Variants in STAG1 observed in about 807,000 individuals in gnomAD.
STAG1 encodes the protein STAG1 cohesin complex component, also known as cohesin subunit SA-1.
In STAG1, 26 loss-of-function variants were observed where a neutral mutation model predicts 170.9. That is an observed-to-expected ratio of 0.15 (90% CI 0.11 to 0.21). The LOEUF (loss-of-function observed/expected upper bound fraction) is 0.21, where lower values mean the gene tolerates loss of function less well. STAG1 is among the 10% of genes least tolerant of loss of function. The pLI, the probability that STAG1 is intolerant of heterozygous loss-of-function variation, is 1.00. For missense variants in STAG1, 964 were observed against 1,509.5 expected, an observed-to-expected ratio of 0.64 and a Z score of 5.99; for synonymous variants, 514 against 497.7, an observed-to-expected ratio of 1.03 and a Z score of -0.44.
rs116102426 is a variant in STAG1 at position 136,477,179 on chromosome 3, T to G, written c.1026+110A>C. On this transcript the variant is annotated intron_variant, in intron 10 of 33. Coordinates refer to ENST00000383202, the MANE Select transcript of STAG1 (RefSeq NM_005862.3). ...TTATTCAGCTGCATCATCTTAAAATTTCCACATGATTACAACTCCTGAAAA... is the reference window on the plus strand; with the variant it reads ...TTATTCAGCTGCATCATCTTAAAATGTCCACATGATTACAACTCCTGAAAA... The G allele has an allele frequency of 1.8e-3, 2,180 of 1,227,876 alleles. 11 individuals are homozygous for G. The highest frequency in any genetic ancestry group is 0.012 in the Middle Eastern group (58 of 4,942). 76.1% of individuals were successfully genotyped at this position (1,227,876 alleles called of 1,614,324 possible). A position where few individuals can be genotyped will look rare whatever the true frequency, so the allele number is the denominator to read the frequency against.
chr3:136,616,482 GAC>G (rs1461225332), intron 3 of STAG1, among the ~76,000 whole-genome samples: 7 of 152,024 alleles, frequency 4.6e-5, no homozygotes, highest in African/African-American at 1.7e-4. Context: ...AAACAACAAA[GAC>G]AGCTTAAAAA....
In STAG1 at chr3:136,713,394, C is replaced by A. The variant is rs114054298; in HGVS notation, c.-84+38801G>T. On this transcript the variant is annotated intron_variant, in intron 1 of 33. Transcript: ENST00000383202. Reference sequence around the variant, plus strand: ...GGTCAGGAGTTCAAGACCAGTCTAACCAACGTGGTAAAATCCCGACTCTAC... The same window carrying A: ...GGTCAGGAGTTCAAGACCAGTCTAAACAACGTGGTAAAATCCCGACTCTAC... Among the ~76,000 whole-genome samples the A allele has an allele frequency of 2.0e-3, 311 of 151,798 alleles. 3 individuals carry two copies. The highest frequency in any genetic ancestry group is 7.4e-3 in the African/African-American group (305 of 41,404).
chr3:136,709,224 A>G (rs1473677814), intron 1 of STAG1, among the ~76,000 whole-genome samples: 1 of 151,844 alleles, frequency 6.6e-6, no homozygotes, highest in East Asian at 1.9e-4. Flanking sequence ...CGAGAGGTGG[A>G]GGCTGAAGTG....
intron 13 of STAG1, among the ~76,000 whole-genome samples, chr3:136,463,018 T>C (rs141543538): frequency 8.5e-5 from 13 of 152,244 alleles, no homozygotes; most frequent in South Asian, 2.1e-4. Context: ...AAGTAGAGAA[T>C]AGAGACTAAT....
At chr3:136,350,783 G>A (rs1351976649) in intron 28 of STAG1, among the ~76,000 whole-genome samples, 1 of 152,188 alleles carries the variant, frequency 6.6e-6, no homozygotes, top group Non-Finnish European at 1.5e-5. Context: ...TATTTGGAAT[G>A]AAATGTAGAA....
chr3:136,348,438 T>C (rs1172551910), intron 29 of STAG1, among the ~76,000 whole-genome samples: 3 of 152,168 alleles, frequency 2.0e-5, no homozygotes, highest in Non-Finnish European at 4.4e-5. Flanking sequence ...GATGGGAGTC[T>C]TCCTCTGTCG....
At chr3:136,555,541 G>A (rs1936578130) in intron 5 of STAG1, among the ~76,000 whole-genome samples, 1 of 151,928 alleles carries the variant, frequency 6.6e-6, no homozygotes, top group Non-Finnish European at 1.5e-5. Context: ...AAAACAGCTG[G>A]GCATGGTGGC....
At chr3:136,596,793 C>T (rs1021490905) in intron 4 of STAG1, among the ~76,000 whole-genome samples, 2 of 152,148 alleles carry the variant, frequency 1.3e-5, no homozygotes, top group Non-Finnish European at 2.9e-5. Context: ...TAATTTCAGG[C>T]CAGGCATGGG....
At chr3:136,549,461 C>T (rs1003586367) in intron 5 of STAG1, among the ~76,000 whole-genome samples, 12 of 152,086 alleles carry the variant, frequency 7.9e-5, no homozygotes, top group Non-Finnish European at 1.6e-4. Context: ...CAGGCACCTG[C>T]ACCATCCTGG....
At chr3:136,608,121 G>T (rs923185183) in intron 3 of STAG1, among the ~76,000 whole-genome samples, 1 of 152,046 alleles carries the variant, frequency 6.6e-6, no homozygotes, top group African/African-American at 2.4e-5. Flanking sequence ...TCCAGGCGTG[G>T]TGGCACATGC....
intron 1 of STAG1, among the ~76,000 whole-genome samples, chr3:136,663,321 C>A (rs76946962): frequency 0.026 from 3,973 of 152,094 alleles, 70 homozygotes; most frequent in Middle Eastern, 0.051. Flanking sequence ...CTCACAACAA[C>A]CCTATGAAGT....
intron 1 of STAG1, among the ~76,000 whole-genome samples, chr3:136,663,171 G>A (rs1231002946): frequency 6.6e-6 from 1 of 152,058 alleles, no homozygotes; most frequent in Non-Finnish European, 1.5e-5. Context: ...TAAAAAAGCT[G>A]TTTGTTTTTT....
chr3:136,537,419 T>C (rs1490203338), intron 6 of STAG1, among the ~76,000 whole-genome samples: 1 of 152,028 alleles, frequency 6.6e-6, no homozygotes, highest in African/African-American at 2.4e-5. Context: ...CATTCCTCAC[T>C]GGTTTCTTAG....
chr3:136,441,030 C>CTT (rs68155305), intron 15 of STAG1, among the ~76,000 whole-genome samples: 19 of 81,956 alleles, frequency 2.3e-4, no homozygotes, highest in African/African-American at 4.2e-4. Context: ...ACCATCTTTC[C>CTT]TTTTTTTTTT....
chr3:136,521,480 T>C, intron 6 of STAG1, 63 bp from the exon 7 acceptor site: 4 of 1,472,512 alleles, frequency 2.7e-6, no homozygotes, highest in Non-Finnish European at 3.7e-6. Flanking sequence ...AAAGCTTTTT[T>C]TTTCTTCCTA....
At chr3:136,473,145 G>A (rs1462678990) in intron 11 of STAG1, among the ~76,000 whole-genome samples, 2 of 152,022 alleles carry the variant, frequency 1.3e-5, no homozygotes, top group African/African-American at 2.4e-5. Context: ...TGCTCCTTAT[G>A]AGAATCTAAT....
chr3:136,380,595 T>C (rs1225796455), intron 22 of STAG1, among the ~76,000 whole-genome samples: 2 of 151,860 alleles, frequency 1.3e-5, no homozygotes, highest in African/African-American at 4.8e-5. Flanking sequence ...AAGATATGGA[T>C]AGATGAAAGA....
intron 12 of STAG1, among the ~76,000 whole-genome samples, chr3:136,467,631 A>C (rs1371700337): frequency 5.3e-5 from 8 of 152,176 alleles, no homozygotes; most frequent in Non-Finnish European, 5.9e-5. Flanking sequence ...ATATCCAGGA[A>C]TTGAACTCAG....
At chr3:136,701,735 A>G (rs1398121800) in intron 1 of STAG1, among the ~76,000 whole-genome samples, 3 of 152,144 alleles carry the variant, frequency 2.0e-5, no homozygotes, top group Non-Finnish European at 4.4e-5. Flanking sequence ...TCACTCAATA[A>G]AAGGCAGTTA....
Sources: allele counts gnomAD v4.1 joint callset (sites outside exome capture counted in the v4.1 genomes callset), GRCh38; gene constraint gnomAD v4.1.1; transcripts MANE v1.5; gene names NCBI Gene and HGNC (gene_info 2026-07-23, HGNC 2026-07-21).